Variants in DSCAM observed in about 807,000 individuals in gnomAD.
DSCAM encodes DS cell adhesion molecule, also known as cell adhesion molecule DSCAM.
In DSCAM, 47 loss-of-function variants were observed where a neutral mutation model predicts 217.7. The observed-to-expected ratio is 0.22, with a 90% CI of 0.17 to 0.28. The LOEUF is 0.28. Among genes scored for constraint, DSCAM ranks in the 10% least tolerant of loss-of-function variants. DSCAM has a pLI of 1.00. For missense variants in DSCAM, 2,080 were observed against 2,618.3 expected (o/e 0.79, Z 4.49); for synonymous variants, 1,056 against 1,015.3 (o/e 1.04, Z -0.76).
Position 40,013,214 on chromosome 21 carries a change from G to C in DSCAM, c.5859C>G (p.Ser1953=). The change falls in exon 33 of 33, where the codon TCC becomes TCG. Residue 1953 remains serine (S), a synonymous_variant. Coordinates refer to ENST00000400454, the MANE Select transcript of DSCAM (RefSeq NM_001389.5). ...LEPIPMEAAS[S]ASSTREGQSW... ...ACTGTCCTTCTCTCGTGGAGGAGGCGGAGGAGGCGGCTTCCATCGGGATGG... is the reference window on the plus strand; with the variant it reads ...ACTGTCCTTCTCTCGTGGAGGAGGCCGAGGAGGCGGCTTCCATCGGGATGG... 1 of 1,613,736 alleles carries C rather than the reference G, an allele frequency of 6.2e-7. No homozygotes were observed. The highest frequency in any genetic ancestry group is 8.5e-7 in the Non-Finnish European group (1 of 1,179,878).
chr21:40,131,592 A>G (rs1218447329), intron 19 of DSCAM, among the ~76,000 whole-genome samples: 1 of 152,062 alleles, frequency 6.6e-6, no homozygotes, highest in Non-Finnish European at 1.5e-5. Flanking sequence ...CACCTGGCTA[A>G]TTTTGCATTT....
chr21:40,423,856 T>C (rs181630526), intron 3 of DSCAM, among the ~76,000 whole-genome samples: 92 of 152,262 alleles, frequency 6.0e-4, no homozygotes, highest in African/African-American at 2.1e-3. Context: ...TCAGTCTTAA[T>C]GGGCAGAAAT....
At chr21:40,778,218 T>C (rs2091506360) in intron 1 of DSCAM, among the ~76,000 whole-genome samples, 2 of 152,016 alleles carry the variant, frequency 1.3e-5, no homozygotes, top group Admixed American at 1.3e-4. Context: ...ACAAATGAAA[T>C]TATAAAACAG....
intron 3 of DSCAM, among the ~76,000 whole-genome samples, chr21:40,528,953 G>T (rs1267023227): frequency 7.2e-6 from 1 of 139,140 alleles, no homozygotes; most frequent in Admixed American, 7.8e-5. Flanking sequence ...GCCCAGGCTG[G>T]AGTGCAGTGG....
At chr21:40,121,073 C>T (rs992580643) in intron 20 of DSCAM, among the ~76,000 whole-genome samples, 1 of 151,454 alleles carries the variant, frequency 6.6e-6, no homozygotes, top group Non-Finnish European at 1.5e-5. Flanking sequence ...GAAATCATTT[C>T]AAAGAAAAAA....
intron 3 of DSCAM, among the ~76,000 whole-genome samples, chr21:40,502,644 G>A (rs1008734383): frequency 4.6e-5 from 7 of 152,028 alleles, no homozygotes; most frequent in African/African-American, 1.7e-4. Context: ...ACTCTGACAC[G>A]GGTTCTCCCG....
At chr21:40,250,062 A>T (rs997986368) in intron 11 of DSCAM, among the ~76,000 whole-genome samples, 1 of 152,140 alleles carries the variant, frequency 6.6e-6, no homozygotes, top group Non-Finnish European at 1.5e-5. Flanking sequence ...TGCAGGTTCT[A>T]CTCACATTGA....
At chr21:40,673,580 C>T (rs2090302180) in intron 3 of DSCAM, among the ~76,000 whole-genome samples, 1 of 152,130 alleles carries the variant, frequency 6.6e-6, no homozygotes, top group African/African-American at 2.4e-5. Flanking sequence ...ATCTGTGTCA[C>T]TGCCCAGCTG....
intron 16 of DSCAM, among the ~76,000 whole-genome samples, chr21:40,159,580 AAATT>A (rs765918082): frequency 1.3e-5 from 2 of 152,180 alleles, no homozygotes; most frequent in Non-Finnish European, 2.9e-5. Flanking sequence ...CTATTTTTAA[AAATT>A]AATTAATTAA....
At chr21:40,450,543 T>C (rs866788645) in intron 3 of DSCAM, among the ~76,000 whole-genome samples, 4 of 152,238 alleles carry the variant, frequency 2.6e-5, no homozygotes, top group Middle Eastern at 3.2e-3. Context: ...TTAGGATTCA[T>C]GGACAATGAC....
chr21:40,040,998 A>G (rs144598168), intron 32 of DSCAM, among the ~76,000 whole-genome samples: 30 of 152,356 alleles, frequency 2.0e-4, no homozygotes, highest in African/African-American at 6.5e-4. Flanking sequence ...GGAGGTAGAC[A>G]GAATGAAAAT....
chr21:40,769,681 C>T (rs970462251), intron 1 of DSCAM, among the ~76,000 whole-genome samples: 1 of 152,168 alleles, frequency 6.6e-6, no homozygotes, highest in African/African-American at 2.4e-5. Context: ...TCAACTAAGC[C>T]CTGACTTTGG....
rs151299396 is a variant in DSCAM at position 40,207,663 on chromosome 21, T to C, written c.2357-18425A>G. On this transcript the variant is annotated intron_variant, in intron 11 of 32. Coordinates refer to ENST00000400454, the MANE Select transcript of DSCAM (RefSeq NM_001389.5). ...TTCAGCCCCTAAAACACAAAAACTA[T>C]AATGTAAAGTCTCAGAAAGATAGAT... 5.1e-3 allele frequency among the ~76,000 whole-genome samples: 780 copies of C among 152,290 alleles called. 10 individuals are homozygous for C. The highest frequency in any genetic ancestry group is 0.018 in the African/African-American group (738 of 41,562).
intron 18 of DSCAM, among the ~76,000 whole-genome samples, chr21:40,140,136 G>A (rs1264530216): frequency 1.3e-5 from 2 of 152,082 alleles, no homozygotes; most frequent in African/African-American, 2.4e-5. Context: ...CAGTAGCCCC[G>A]TGAACTGACC....
chr21:40,571,256 T>G (rs1377661962), intron 3 of DSCAM, among the ~76,000 whole-genome samples: 3 of 152,068 alleles, frequency 2.0e-5, no homozygotes, highest in Non-Finnish European at 4.4e-5. Flanking sequence ...AATTCTACAT[T>G]TAGTCAAAGT....
At chr21:40,838,765 A>G (rs967025835) in intron 1 of DSCAM, among the ~76,000 whole-genome samples, 31 of 152,306 alleles carry the variant, frequency 2.0e-4, no homozygotes, top group African/African-American at 7.5e-4. Flanking sequence ...GAGACTAGCG[A>G]CAAAATGATC....
At chr21:40,633,938 C>T (rs2089723697) in intron 3 of DSCAM, among the ~76,000 whole-genome samples, 1 of 152,244 alleles carries the variant, frequency 6.6e-6, no homozygotes, top group African/African-American at 2.4e-5. Context: ...CATGTTGTTG[C>T]TGTATAAGGT....
intron 3 of DSCAM, among the ~76,000 whole-genome samples, chr21:40,475,148 C>T (rs1285626305): frequency 6.6e-6 from 1 of 152,220 alleles, no homozygotes; most frequent in Non-Finnish European, 1.5e-5. Flanking sequence ...CAATTAATGA[C>T]AAGCTTTCAT....
chr21:40,532,910 GCA>G (rs761503015), intron 3 of DSCAM, among the ~76,000 whole-genome samples: 26 of 132,632 alleles, frequency 2.0e-4, no homozygotes, highest in East Asian at 5.2e-4. Flanking sequence ...GTGTGTGTGT[GCA>G]CACGCACGCG....
Sources: gnomAD v4.1 joint callset for allele counts (sites outside exome capture counted in the v4.1 genomes callset) on GRCh38, gnomAD v4.1.1 for gene constraint, MANE v1.5 for transcripts, NCBI Gene and HGNC (gene_info 2026-07-23, HGNC 2026-07-21) for gene names.